Variants in DYNLRB1 observed in about 807,000 individuals in gnomAD.
The protein encoded by DYNLRB1 is dynein light chain roadblock-type 1.
DYNLRB1 carries 6 observed loss-of-function variants against 13.5 expected under a neutral mutation model. The observed-to-expected ratio is 0.44, with a 90% CI of 0.24 to 0.88. DYNLRB1 has a LOEUF of 0.88. Among genes scored for constraint, DYNLRB1 ranks in the 40% least tolerant of loss-of-function variants. The pLI is 0.21. For missense variants in DYNLRB1, 93 were observed against 127.2 expected, an observed-to-expected ratio of 0.73 and a Z score of 1.29; for synonymous variants, 43 against 45.0, an observed-to-expected ratio of 0.96 and a Z score of 0.18.
intron 1 of DYNLRB1, among the ~76,000 whole-genome samples, chr20:34,518,318 C>T (rs186790843): frequency 3.9e-5 from 6 of 152,036 alleles, no homozygotes; most frequent in African/African-American, 1.4e-4. Context: ...TTGTTCTTTT[C>T]GTCCAGGCTT....
chr20:34,525,189 C>T (rs370019047), intron 1 of DYNLRB1, among the ~76,000 whole-genome samples: 2 of 152,072 alleles, frequency 1.3e-5, no homozygotes, highest in East Asian at 1.9e-4. Context: ...ATCCCCCCCC[C>T]CATTTCTTTT....
At chr20:34,530,342 T>A (rs982017172) in intron 2 of DYNLRB1, 5 of 959,732 alleles carry the variant, frequency 5.2e-6, no homozygotes, top group South Asian at 4.8e-5. Context: ...ACTTAACTTA[T>A]CAGCTATGTG....
intron 1 of DYNLRB1, among the ~76,000 whole-genome samples, chr20:34,523,160 A>G (rs1283557231): frequency 6.6e-6 from 1 of 152,070 alleles, no homozygotes; most frequent in East Asian, 1.9e-4. Flanking sequence ...AGCTGAGTCC[A>G]AAGGGTTGGG....
chr20:34,539,545 T>C (rs571815456), intron 3 of DYNLRB1, among the ~76,000 whole-genome samples: 1 of 151,942 alleles, frequency 6.6e-6, no homozygotes, highest in Admixed American at 6.6e-5. Context: ...TAATGGAGTC[T>C]CACTTTATCA....
rs1388318196 is a variant in DYNLRB1 at position 34,533,646 on chromosome 20, C to CATAGA, written c.80-982_80-981insATAGA. The CATAGA allele has an allele frequency of 6.7e-4, 215 of 321,572 alleles. 4 individuals are homozygous for CATAGA. The highest frequency in any genetic ancestry group is 6.4e-3 in the East Asian group (37 of 5,754). The allele number at this position is 321,572 out of a possible 1,614,324, so 19.9% of individuals were successfully genotyped here. On this transcript the variant is annotated intron_variant, in intron 2 of 3. Transcript: ENST00000357156. ...CTAGCCTGGCCAGTATGGTGAAACC[C>CATAGA]CGTCTCTTCTAAAAATACAAAAATC...
At chr20:34,520,726 G>A (rs182152080) in intron 1 of DYNLRB1, among the ~76,000 whole-genome samples, 1 of 152,288 alleles carries the variant, frequency 6.6e-6, no homozygotes, top group African/African-American at 2.4e-5. Context: ...CAGGATTACA[G>A]GCATGAGCCA....
upstream of DYNLRB1, among the ~76,000 whole-genome samples, chr20:34,515,721 G>A (rs1490929754): frequency 6.6e-6 from 1 of 152,156 alleles, no homozygotes; most frequent in Non-Finnish European, 1.5e-5. Context: ...CTCTGGCTCA[G>A]TCTGGGCGCA....
intron 1 of DYNLRB1, among the ~76,000 whole-genome samples, chr20:34,519,182 A>G (rs1979511990): frequency 6.6e-6 from 1 of 152,124 alleles, no homozygotes; most frequent in South Asian, 2.1e-4. Flanking sequence ...TCCGCCTCCA[A>G]AAATGCTGGG....
intron 1 of DYNLRB1, among the ~76,000 whole-genome samples, chr20:34,525,632 C>T (rs1980133914): frequency 6.6e-6 from 1 of 152,010 alleles, no homozygotes; most frequent in Non-Finnish European, 1.5e-5. Flanking sequence ...AAGGGTAGGA[C>T]AGGAGTGACA....
chr20:34,519,418 AGG>A (rs1979531665), intron 1 of DYNLRB1, among the ~76,000 whole-genome samples: 1 of 152,200 alleles, frequency 6.6e-6, no homozygotes, highest in Non-Finnish European at 1.5e-5. Context: ...CTTTACTTTA[AGG>A]CTGAAGTGGA....
chr20:34,526,636 C>A (rs1286246002), intron 2 of DYNLRB1: 20 of 393,156 alleles, frequency 5.1e-5, no homozygotes, highest in Non-Finnish European at 8.9e-5. Context: ...AGGGAAAATC[C>A]GCTCAATCCC....
At chr20:34,540,255 T>C (rs181669971) in intron 3 of DYNLRB1, among the ~76,000 whole-genome samples, 7 of 152,284 alleles carry the variant, frequency 4.6e-5, no homozygotes, top group Non-Finnish European at 7.4e-5. Flanking sequence ...TTGGAGCTCT[T>C]TGAACTGGAG....
Position 34,531,929 on chromosome 20 carries a change from G to A in DYNLRB1, c.80-2699G>A, listed in dbSNP as rs138984896. Among the ~76,000 whole-genome samples the A allele has an allele frequency of 2.8e-3, 431 of 152,326 alleles. 2 individuals are homozygous for A. The highest frequency in any genetic ancestry group is 0.028 in the South Asian group (133 of 4,828). On this transcript the variant is annotated intron_variant, in intron 2 of 3. Coordinates refer to ENST00000357156, the MANE Select transcript of DYNLRB1 (RefSeq NM_014183.4). ...GAGGGATCTGTGAGAAGGTGGCTTC[G>A]TGGTGTGTAAAAAGAGAAGGTTAGG...
At chr20:34,535,234 G>T in intron 3 of DYNLRB1, 1 of 985,400 alleles carries the variant, frequency 1.0e-6, no homozygotes, top group Non-Finnish European at 1.2e-6. Flanking sequence ...AATATTCAGT[G>T]ATTCTTCTCC....
chr20:34,517,776 C>T (rs1979374075), intron 1 of DYNLRB1, among the ~76,000 whole-genome samples: 1 of 151,726 alleles, frequency 6.6e-6, no homozygotes, highest in Non-Finnish European at 1.5e-5. Context: ...CTACAGGCGC[C>T]CACCACCACG....
Position 34,533,508 on chromosome 20 carries a change from C to T in DYNLRB1, c.80-1120C>T, listed in dbSNP as rs893947169. 7.1e-6 allele frequency: 7 copies of T among 985,344 alleles called. No homozygotes were observed. In the African/African-American group the frequency reaches 1.2e-4, roughly 17 times the overall value. 61.0% of individuals were successfully genotyped at this position (985,344 alleles called of 1,614,324 possible). ...ATGTCCCAGCACAAGCTGACTTTTT[C>T]TCTTCTACTTTTTAGTGTGTAGAAG... is the stretch of plus-strand genomic sequence containing the variant. On this transcript the variant is annotated intron_variant, in intron 2 of 3. Coordinates refer to ENST00000357156, the MANE Select transcript of DYNLRB1 (RefSeq NM_014183.4).
At chr20:34,539,749 T>C (rs1179331850) in intron 3 of DYNLRB1, among the ~76,000 whole-genome samples, 1 of 152,096 alleles carries the variant, frequency 6.6e-6, no homozygotes, top group Non-Finnish European at 1.5e-5. Flanking sequence ...TCAAGTGATC[T>C]GCCCACCTTG....
intron 2 of DYNLRB1, 137 bp downstream of exon 2, chr20:34,526,480 G>GT: frequency 1.0e-5 from 4 of 386,106 alleles, no homozygotes; most frequent in Non-Finnish European, 1.8e-5. Context: ...AACACCTCCA[G>GT]TGTTCTTTTT....
At chr20:34,522,739 G>A (rs1315460661) in intron 1 of DYNLRB1, among the ~76,000 whole-genome samples, 2 of 152,068 alleles carry the variant, frequency 1.3e-5, no homozygotes, top group African/African-American at 4.8e-5. Flanking sequence ...CCCCCAAAGT[G>A]CTGGGATTAC....
Sources: allele counts gnomAD v4.1 joint callset (sites outside exome capture counted in the v4.1 genomes callset), GRCh38; gene constraint gnomAD v4.1.1; transcripts MANE v1.5; gene names NCBI Gene and HGNC (gene_info 2026-07-23, HGNC 2026-07-21).